PARP1: variants seen among roughly 807,000 people sequenced by gnomAD.
The protein encoded by PARP1 is poly(ADP-ribose) polymerase 1, also known as poly [ADP-ribose] polymerase 1.
A neutral mutation model predicts 118.7 loss-of-function variants in PARP1; 44 were observed. The ratio of observed to expected loss-of-function variants is 0.37; its 90% CI spans 0.29 to 0.48. PARP1 has a LOEUF of 0.48. Ranked by LOEUF, PARP1 falls within the 20% of genes least tolerant of loss-of-function variation. The pLI is 0.99. For missense variants in PARP1, 1,100 were observed against 1,272.4 expected (o/e 0.86, Z 2.06); for synonymous variants, 492 against 483.2 (o/e 1.02, Z -0.24).
rs1438172519 is a variant in PARP1, at chr1:226,364,103, T to C, written c.2659-33A>G. The C allele has an allele frequency of 1.9e-6, 3 of 1,611,838 alleles. No individual in the cohort carries two copies. In the East Asian group the frequency reaches 6.7e-5, roughly 36 times the overall value. ...GTCGGAAAAGGGAGAGCTGAGAATCTTCTGATGGGAAATTAGGAGCAGCTG... is the reference window on the plus strand; with the variant it reads ...GTCGGAAAAGGGAGAGCTGAGAATCCTCTGATGGGAAATTAGGAGCAGCTG... On this transcript the variant is annotated intron_variant, in intron 19 of 22. Coordinates refer to ENST00000366794, the MANE Select transcript of PARP1 (RefSeq NM_001618.4).
In PARP1 at chr1:226,396,412, C is replaced by CAAAAA. The variant is rs34854741; in HGVS notation, c.287-4103_287-4099dup. 3.8e-3 allele frequency among the ~76,000 whole-genome samples: 508 copies of CAAAAA among 133,808 alleles called. 4 individuals are homozygous for CAAAAA. Among genetic ancestry groups the CAAAAA allele is most frequent in the South Asian group, 8.0e-3 (33 of 4,140 alleles). 87.8% of individuals were successfully genotyped at this position (133,808 alleles called of 152,430 possible). Reference sequence around the variant, plus strand: ...TTTTATGTTATGCCTATTTTGCCACCAAAAAAAAAAAAAAATCAAGTAAGA... The same window carrying CAAAAA: ...TTTTATGTTATGCCTATTTTGCCACCAAAAAAAAAAAAAAAAAAAATCAAGTAAGA... On this transcript the variant is annotated intron_variant, in intron 2 of 22. Transcript: ENST00000366794.
In PARP1 at chr1:226,386,389, T is replaced by C; in HGVS notation, c.771A>G (p.Ser257=). The C allele has an allele frequency of 6.2e-7, 1 of 1,614,136 alleles. No homozygotes were observed. Among genetic ancestry groups the C allele is most frequent in the East Asian group, 2.2e-5 (1 of 44,880 alleles). ...NIKDELKKVC[S]TNDLKELLIF... Reference sequence around the variant, plus strand: ...TGAGTAGCTCCTTCAGGTCATTAGTTGAACACACTTTCTTTAGCTCGTCCT... The same window carrying C: ...TGAGTAGCTCCTTCAGGTCATTAGTCGAACACACTTTCTTTAGCTCGTCCT... Residue 257 remains serine, a synonymous_variant, in exon 6 of 23, where the codon TCA becomes TCG. Coordinates refer to ENST00000366794, the MANE Select transcript of PARP1 (RefSeq NM_001618.4).
At chr1:226,397,595 T>C (rs948122293) in intron 2 of PARP1, among the ~76,000 whole-genome samples, 53 of 152,226 alleles carry the variant, frequency 3.5e-4, no homozygotes, top group African/African-American at 1.2e-3. Flanking sequence ...CCCTTGGTGC[T>C]GTGTCATGAT....
intron 4 of PARP1, 27 bp from the exon 5 acceptor site, chr1:226,388,782 C>T (rs776906045): frequency 6.4e-6 from 10 of 1,550,878 alleles, no homozygotes; most frequent in Non-Finnish European, 1.8e-6. Flanking sequence ...ATATGAGAGA[C>T]AGCCAGAGCC....
intron 13 of PARP1, among the ~76,000 whole-genome samples, chr1:226,374,907 C>T (rs1407197786): frequency 6.6e-6 from 1 of 152,202 alleles, no homozygotes; most frequent in African/African-American, 2.4e-5. Context: ...ATTAGCTGTC[C>T]GTCCTCTTCC....
Position 226,383,153 on chromosome 1 carries a change from A to G in PARP1, c.1042T>C (p.Leu348=). ...ATACGGTCCTGTTTTTTAACCTTCA[A>G]TTTCTTGAGGTAAGAGATTTCTCGG... ...EFREISYLKK[L]KVKKQDRIFP... The change falls in exon 8 of 23, where the codon TTG becomes CTG. Residue 348 remains leucine, a synonymous_variant. Coordinates refer to ENST00000366794, the MANE Select transcript of PARP1 (RefSeq NM_001618.4). 3 of 1,613,008 alleles carry G rather than the reference A, an allele frequency of 1.9e-6. No individual in the cohort carries two copies. The highest frequency in any genetic ancestry group is 1.7e-5 in the Admixed American group (1 of 60,032).
At chr1:226,364,339 T>C in intron 19 of PARP1, 1 of 420,728 alleles carries the variant, frequency 2.4e-6, no homozygotes, top group Non-Finnish European at 4.5e-6. Flanking sequence ...GGGAACACAG[T>C]CTCATGGAGC....
Position 226,390,317 on chromosome 1 carries a change from A to G in PARP1, c.617+93T>C. Reference sequence around the variant, plus strand: ...TGGCTTACTGACAGTCAGCGAAGGGAAACAGAGGAGTGGTATGGAACCTGT... The same window carrying G: ...TGGCTTACTGACAGTCAGCGAAGGGGAACAGAGGAGTGGTATGGAACCTGT... On this transcript the variant is annotated intron_variant, in intron 4 of 22. Transcript: ENST00000366794. 2.2e-5 allele frequency: 24 copies of G among 1,087,364 alleles called. No individual in the cohort carries two copies. In the South Asian group the frequency reaches 3.0e-4, roughly 14 times the overall value. 67.4% of individuals were successfully genotyped at this position (1,087,364 alleles called of 1,614,324 possible).
At chr1:226,387,595 C>T (rs1664740568) in intron 5 of PARP1, among the ~76,000 whole-genome samples, 1 of 152,180 alleles carries the variant, frequency 6.6e-6, no homozygotes, top group South Asian at 2.1e-4. Flanking sequence ...ACAGCATACA[C>T]TGGGACACCA....
intron 5 of PARP1, 103 bp downstream of exon 5, chr1:226,388,553 G>T: frequency 2.4e-6 from 2 of 823,992 alleles, no homozygotes; most frequent in East Asian, 4.9e-5. Context: ...ATTTGCTAAA[G>T]GTCTTAATAA....
At chr1:226,362,508 G>A (rs186827074) in intron 21 of PARP1, among the ~76,000 whole-genome samples, 229 of 152,258 alleles carry the variant, frequency 1.5e-3, no homozygotes, top group Non-Finnish European at 2.1e-3. Flanking sequence ...ATAAACCAAA[G>A]TTCCCAGGGC....
In PARP1 at chr1:226,392,225, T is replaced by G; in HGVS notation, c.376A>C (p.Lys126Gln). Residue 126 changes from lysine (K) to glutamine (Q), a missense_variant, in exon 3 of 23, where the codon AAG (lysine) becomes CAG (glutamine). Physicochemically the swap from Lys to Gln is moderately conservative, Grantham distance 53. Coordinates refer to ENST00000366794, the MANE Select transcript of PARP1 (RefSeq NM_001618.4). The stretch of plus-strand genomic sequence containing the variant: ...TTTTCTATCTTCTCCATACACCCCT[T>G]GCACGTACTTCTGTTGGACTTGGCA... ...EYAKSNRSTC[K>Q]GCMEKIEKGQ... 1 of 1,613,402 alleles carries G rather than the reference T, an allele frequency of 6.2e-7. No individual in the cohort carries two copies. The highest frequency in any genetic ancestry group is 8.5e-7 in the Non-Finnish European group (1 of 1,179,296).
chr1:226,407,661 G>C, intron 1 of PARP1, 149 bp downstream of exon 1: 1 of 675,180 alleles, frequency 1.5e-6, no homozygotes, highest in Non-Finnish European at 2.2e-6. Context: ...CGCTCGGGAG[G>C]AGGGGCGGCC....
chr1:226,378,900 C>G (rs552593991), intron 12 of PARP1, among the ~76,000 whole-genome samples: 12 of 152,162 alleles, frequency 7.9e-5, no homozygotes, highest in Non-Finnish European at 1.5e-5. Context: ...GAAAAGCCAG[C>G]AGAAGAATAT....
At chr1:226,371,057 C>T (rs1309748967) in intron 14 of PARP1, 1 of 159,818 alleles carries the variant, frequency 6.3e-6, no homozygotes, top group African/African-American at 2.4e-5. Context: ...TCACCTCCAA[C>T]AAATATTGCT....
intron 19 of PARP1, 76 bp downstream of exon 19, chr1:226,364,926 C>T (rs1462728780): frequency 1.3e-6 from 2 of 1,525,418 alleles, no homozygotes; most frequent in East Asian, 2.2e-5. Context: ...ACCAACTAGA[C>T]CTCTTGCTCA....
chr1:226,404,563 C>G (rs969713659), intron 1 of PARP1, among the ~76,000 whole-genome samples: 2 of 152,252 alleles, frequency 1.3e-5, no homozygotes, highest in African/African-American at 4.8e-5. Flanking sequence ...CGGCACAGTG[C>G]TGGACACCCT....
At chr1:226,399,313 G>A (rs940548587) in intron 2 of PARP1, among the ~76,000 whole-genome samples, 2 of 151,840 alleles carry the variant, frequency 1.3e-5, no homozygotes, top group Non-Finnish European at 2.9e-5. Flanking sequence ...CTCGTAATCT[G>A]CTGGGCTCGG....
intron 13 of PARP1, among the ~76,000 whole-genome samples, chr1:226,376,230 GTTTTC>G (rs1457262334): frequency 7.9e-5 from 12 of 152,054 alleles, no homozygotes; most frequent in African/African-American, 2.4e-5. Context: ...TAAAATAAAT[GTTTTC>G]TTTTATCTGA....
Sources: allele counts gnomAD v4.1 joint callset (sites outside exome capture counted in the v4.1 genomes callset), GRCh38; gene constraint gnomAD v4.1.1; transcripts MANE v1.5; gene names NCBI Gene and HGNC (gene_info 2026-07-23, HGNC 2026-07-21).